EXT1: variants seen among roughly 807,000 people sequenced by gnomAD.
The protein encoded by EXT1 is exostosin glycosyltransferase 1, also known as exostosin-1.
In EXT1, 20 loss-of-function variants were observed where a neutral mutation model predicts 82.5. The observed-to-expected ratio is 0.24, with a 90% CI of 0.17 to 0.35. The LOEUF is 0.35. EXT1 is among the 10% of genes least tolerant of loss of function. The pLI is 1.00. For missense variants in EXT1, 757 were observed against 936.5 expected, an observed-to-expected ratio of 0.81 and a Z score of 2.50; for synonymous variants, 348 against 350.8, an observed-to-expected ratio of 0.99 and a Z score of 0.09.
intron 1 of EXT1, among the ~76,000 whole-genome samples, chr8:117,844,796 G>C (rs762375352): frequency 1.8e-4 from 27 of 152,102 alleles, no homozygotes; most frequent in Non-Finnish European, 3.2e-4. Flanking sequence ...TGGCTGACCA[G>C]GTTGGCTGCA....
chr8:117,959,864 C>A (rs1026917905), intron 1 of EXT1, among the ~76,000 whole-genome samples: 2 of 152,198 alleles, frequency 1.3e-5, no homozygotes, highest in Non-Finnish European at 2.9e-5. Context: ...TTCAAAGCTT[C>A]ATTGTGACTT....
chr8:118,026,748 G>A (rs1816209404), intron 1 of EXT1, among the ~76,000 whole-genome samples: 1 of 152,178 alleles, frequency 6.6e-6, no homozygotes, highest in East Asian at 1.9e-4. Context: ...ACAACCATCA[G>A]TCACTGATTC....
intron 1 of EXT1, among the ~76,000 whole-genome samples, chr8:117,865,066 GCTGA>G (rs1342694712): frequency 6.6e-6 from 1 of 152,160 alleles, no homozygotes; most frequent in Non-Finnish European, 1.5e-5. Flanking sequence ...TTTGAGATGA[GCTGA>G]CTGACTCCAT....
At chr8:117,812,735 A>T in intron 8 of EXT1, 137 bp downstream of exon 8, 1 of 807,196 alleles carries the variant, frequency 1.2e-6, no homozygotes, top group Non-Finnish European at 2.1e-6. Flanking sequence ...CGGGCTGATT[A>T]AAACCAGCGC....
chr8:117,876,994 C>T (rs746879664), intron 1 of EXT1, among the ~76,000 whole-genome samples: 2 of 152,126 alleles, frequency 1.3e-5, no homozygotes, highest in Non-Finnish European at 1.5e-5. Context: ...GCCAGGAACC[C>T]GTTTTTCTAA....
At chr8:117,806,708 C>G (rs1325779322) in intron 9 of EXT1, among the ~76,000 whole-genome samples, 1 of 152,224 alleles carries the variant, frequency 6.6e-6, no homozygotes, top group Non-Finnish European at 1.5e-5. Context: ...CCCTGGACAC[C>G]CCCAATCTGC....
intron 1 of EXT1, among the ~76,000 whole-genome samples, chr8:117,854,008 G>C (rs1414704702): frequency 6.6e-6 from 1 of 152,264 alleles, no homozygotes; most frequent in Non-Finnish European, 1.5e-5. Context: ...CAGGAAGAAC[G>C]CCCAGGAGCG....
intron 1 of EXT1, among the ~76,000 whole-genome samples, chr8:117,851,952 T>C (rs974742615): frequency 3.3e-5 from 5 of 152,170 alleles, no homozygotes; most frequent in Non-Finnish European, 5.9e-5. Flanking sequence ...ATGAAACTCC[T>C]TCAATGAATA....
chr8:117,864,660 A>T (rs186713482), intron 1 of EXT1, among the ~76,000 whole-genome samples: 60 of 152,094 alleles, frequency 3.9e-4, no homozygotes, highest in Middle Eastern at 6.8e-3. Context: ...GAGGCAGGAG[A>T]ATGGCGTGAA....
chr8:118,044,595 C>T (rs774220517), intron 1 of EXT1, among the ~76,000 whole-genome samples: 15 of 152,012 alleles, frequency 9.9e-5, no homozygotes, highest in South Asian at 2.1e-4. Flanking sequence ...TTAGTAGAGA[C>T]GAGGTTTCTC....
intron 1 of EXT1, among the ~76,000 whole-genome samples, chr8:117,869,529 A>G (rs1220092086): frequency 1.3e-5 from 2 of 152,210 alleles, no homozygotes; most frequent in Non-Finnish European, 2.9e-5. Context: ...GGAAATTCAA[A>G]TAAAACACAC....
chr8:117,987,845 T>A lies in EXT1; in HGVS notation c.962+122240A>T, dbSNP rs192234208. Among the ~76,000 whole-genome samples, 7 of 152,240 alleles carry A rather than the reference T, an allele frequency of 4.6e-5. No individual in the cohort carries two copies. In the East Asian group the frequency reaches 9.7e-4, roughly 21 times the overall value. On this transcript the variant is annotated intron_variant, in intron 1 of 10. Coordinates refer to ENST00000378204, the MANE Select transcript of EXT1 (RefSeq NM_000127.3). ...GCTCATGCCTATAATCCTAGAACTT[T>A]GAGAGGCCTAGGCGGAAGGATCGCT...
rs74791240 is a variant in EXT1 at position 118,048,213 on chromosome 8, T to G, written c.962+61872A>C. Among the ~76,000 whole-genome samples, 128 of 152,180 alleles carry G rather than the reference T, an allele frequency of 8.4e-4. 1 individual carries two copies. The highest frequency in any genetic ancestry group is 1.6e-3 in the Non-Finnish European group (111 of 68,016). ...ACAGAGGGCAAGAAGAGAGAAACCT[T>G]TCCTAAAGTGACCTCTCCATTTTGC... On this transcript the variant is annotated intron_variant, in intron 1 of 10. Coordinates refer to ENST00000378204, the MANE Select transcript of EXT1 (RefSeq NM_000127.3).
chr8:117,876,352 T>G (rs1349614816), intron 1 of EXT1, among the ~76,000 whole-genome samples: 2 of 152,146 alleles, frequency 1.3e-5, no homozygotes, highest in African/African-American at 2.4e-5. Context: ...ATTTAGAACT[T>G]TGCAACAGAA....
At chr8:117,923,595 G>T (rs1036542810) in intron 1 of EXT1, among the ~76,000 whole-genome samples, 1 of 151,606 alleles carries the variant, frequency 6.6e-6, no homozygotes, top group African/African-American at 2.4e-5. Flanking sequence ...GCATGGTGGC[G>T]GTTGCCTGTA....
At chr8:118,043,415 A>G (rs1816567135) in intron 1 of EXT1, among the ~76,000 whole-genome samples, 1 of 152,182 alleles carries the variant, frequency 6.6e-6, no homozygotes, top group Non-Finnish European at 1.5e-5. Flanking sequence ...GAAAAACTAC[A>G]CTTCCAAAGT....
chr8:117,863,714 C>T (rs940039449), intron 1 of EXT1, among the ~76,000 whole-genome samples: 28 of 152,132 alleles, frequency 1.8e-4, no homozygotes, highest in African/African-American at 6.0e-4. Context: ...TTACCCTGCC[C>T]GGCTCCAGAT....
intron 1 of EXT1, among the ~76,000 whole-genome samples, chr8:117,937,932 T>C (rs1187637451): frequency 1.3e-5 from 2 of 152,218 alleles, no homozygotes; most frequent in South Asian, 2.1e-4. Context: ...TAGTCACAGA[T>C]TGCCTGAATA....
Position 117,818,430 on chromosome 8 carries a change from C to A in EXT1, c.1632+5G>T. On this transcript the variant is annotated splice_donor_5th_base_variant and intron_variant, in intron 7 of 10. Transcript: ENST00000378204. ...TTCCACATATAGGTCCCCTTCGAGTCTTACCTTGCTCTCTCCTTCAATGAC... is the reference window on the plus strand; with the variant it reads ...TTCCACATATAGGTCCCCTTCGAGTATTACCTTGCTCTCTCCTTCAATGAC... The A allele has an allele frequency of 6.2e-7, 1 of 1,614,028 alleles. No homozygotes were observed. The highest frequency in any genetic ancestry group is 1.1e-5 in the South Asian group (1 of 91,068).
Sources: allele counts gnomAD v4.1 joint callset (sites outside exome capture counted in the v4.1 genomes callset), GRCh38; gene constraint gnomAD v4.1.1; transcripts MANE v1.5; gene names NCBI Gene and HGNC (gene_info 2026-07-23, HGNC 2026-07-21).